Variants in TOP6BL observed in about 807,000 individuals in gnomAD.
The protein encoded by TOP6BL is type 2 DNA topoisomerase 6 subunit B-like.
the TOP6BL span, chr11:66,759,103 A>G: frequency 6.6e-7 from 1 of 1,517,662 alleles, no homozygotes; most frequent in East Asian, 2.3e-5. Context: ...AAAGGTAAAG[A>G]ATTACCTAAC....
At chr11:66,791,182 A>G in the TOP6BL span, among the ~76,000 whole-genome samples, 1 of 152,214 alleles carries the variant, frequency 6.6e-6, no homozygotes, top group Non-Finnish European at 1.5e-5. Context: ...GCTATAATAA[A>G]TGATCCATTA....
At chr11:66,837,051 G>A in the TOP6BL span, among the ~76,000 whole-genome samples, 21 of 152,132 alleles carry the variant, frequency 1.4e-4, no homozygotes, top group Middle Eastern at 3.4e-3. Flanking sequence ...TACCTTAGCA[G>A]GTATGATTTG....
At chr11:66,827,681 C>T in the TOP6BL span, among the ~76,000 whole-genome samples, 1 of 151,750 alleles carries the variant, frequency 6.6e-6, no homozygotes, top group Non-Finnish European at 1.5e-5. Flanking sequence ...GATGGGAGAA[C>T]AGGCCAGGCG....
chr11:66,748,013 AG>A, the TOP6BL span, among the ~76,000 whole-genome samples: 14 of 152,210 alleles, frequency 9.2e-5, no homozygotes, highest in Non-Finnish European at 7.3e-5. Flanking sequence ...TCTTATTCAT[AG>A]TCTTCATGTT....
the TOP6BL span, among the ~76,000 whole-genome samples, chr11:66,754,743 A>C: frequency 6.6e-6 from 1 of 152,172 alleles, no homozygotes; most frequent in East Asian, 1.9e-4. Context: ...TGGGTATCTC[A>C]GCATTCAGGG....
the TOP6BL span, chr11:66,843,187 G>A: frequency 6.2e-7 from 1 of 1,611,236 alleles, no homozygotes; most frequent in South Asian, 1.1e-5. Context: ...GTGGCTGCAG[G>A]AGGTCTCCAA....
the TOP6BL span, among the ~76,000 whole-genome samples, chr11:66,791,465 A>G: frequency 6.6e-6 from 1 of 152,202 alleles, no homozygotes; most frequent in Admixed American, 6.5e-5. Flanking sequence ...AAACATATCT[A>G]TATATTTATA....
chr11:66,823,089 G>GT, the TOP6BL span, among the ~76,000 whole-genome samples: 1 of 151,910 alleles, frequency 6.6e-6, no homozygotes. Flanking sequence ...GAGGTCGGGA[G>GT]TTTGAGACCA....
At chr11:66,781,419 T>C in the TOP6BL span, among the ~76,000 whole-genome samples, 142 of 152,346 alleles carry the variant, frequency 9.3e-4, no homozygotes, top group Non-Finnish European at 1.5e-3. Context: ...TATAGTGTTA[T>C]CTGCTGACAT....
chr11:66,786,761 T>G, the TOP6BL span, among the ~76,000 whole-genome samples: 2 of 152,202 alleles, frequency 1.3e-5, no homozygotes, highest in South Asian at 4.1e-4. Flanking sequence ...TGATCAGTGG[T>G]GAAACTGAAG....
the TOP6BL span, among the ~76,000 whole-genome samples, chr11:66,788,647 T>G: frequency 4.6e-5 from 7 of 152,254 alleles, no homozygotes; most frequent in African/African-American, 1.7e-4. Context: ...TCTTCCTGGC[T>G]TGTAGACTAC....
the TOP6BL span, among the ~76,000 whole-genome samples, chr11:66,817,155 G>GAAATAAAATAAAATAAAATA: frequency 3.5e-3 from 524 of 151,634 alleles, 3 homozygotes; most frequent in African/African-American, 0.012. Context: ...TCTGTCTCAA[G>GAAATAAAATAAAATAAAATA]AAATAAAATA....
chr11:66,831,096 G>A, the TOP6BL span, among the ~76,000 whole-genome samples: 2 of 152,086 alleles, frequency 1.3e-5, no homozygotes, highest in Admixed American at 6.5e-5. Context: ...TGGAATAAAA[G>A]GACTGACTAT....
the TOP6BL span, among the ~76,000 whole-genome samples, chr11:66,797,635 G>A: frequency 6.6e-6 from 1 of 151,976 alleles, no homozygotes; most frequent in African/African-American, 2.4e-5. Flanking sequence ...TCCCTGAGTA[G>A]CTGGGATTAC....
At chr11:66,755,441 T>A in the TOP6BL span, among the ~76,000 whole-genome samples, 1 of 152,198 alleles carries the variant, frequency 6.6e-6, no homozygotes, top group Non-Finnish European at 1.5e-5. Flanking sequence ...AGATTTTTAT[T>A]ACAATCATGT....
At chr11:66,838,295 G>T in the TOP6BL span, 2 of 1,367,126 alleles carry the variant, frequency 1.5e-6, no homozygotes, top group East Asian at 2.3e-5. Flanking sequence ...GAAGCCACCA[G>T]GCACACTCCT....
chr11:66,754,369 A>G, the TOP6BL span, among the ~76,000 whole-genome samples: 2 of 151,692 alleles, frequency 1.3e-5, no homozygotes, highest in Non-Finnish European at 2.9e-5. Flanking sequence ...TATCTCTTCT[A>G]CTTTCTAGGC....
At chr11:66,748,329 C>T in the TOP6BL span, 4 of 1,402,270 alleles carry the variant, frequency 2.9e-6, no homozygotes, top group African/African-American at 5.8e-5. Flanking sequence ...TGTATTATTA[C>T]TGTGATTTCT....
At chr11:66,827,276 C>T in the TOP6BL span, among the ~76,000 whole-genome samples, 7 of 151,922 alleles carry the variant, frequency 4.6e-5, no homozygotes, top group Non-Finnish European at 1.0e-4. Context: ...TGTCAAACTC[C>T]CGACCTCAGG....
Sources: allele counts gnomAD v4.1 joint callset (sites outside exome capture counted in the v4.1 genomes callset), GRCh38; gene constraint gnomAD v4.1.1; transcripts MANE v1.5; gene names NCBI Gene and HGNC (gene_info 2026-07-23, HGNC 2026-07-21).